The following ATP2C2 variants were observed in gnomAD, a reference collection of about 807,000 sequenced individuals.
ATP2C2 encodes the protein calcium-transporting ATPase type 2C member 2.
A neutral mutation model predicts 110.8 loss-of-function variants in ATP2C2; 171 were observed. The observed-to-expected ratio is 1.54, with a 90% CI of 1.36 to 1.75. ATP2C2 has a LOEUF of 1.75. Ranked by LOEUF, ATP2C2 falls within the 40% of genes most tolerant of loss-of-function variation. ATP2C2 has a pLI of 0.00. For missense variants in ATP2C2, 1,963 were observed against 1,235.0 expected (o/e 1.59, Z -8.84); for synonymous variants, 804 against 508.4 (o/e 1.58, Z -7.82).
rs796131997 is a variant in ATP2C2, at chr16:84,458,418, C to T, written c.2148-702C>T. 8.0e-3 allele frequency among the ~76,000 whole-genome samples: 1,113 copies of T among 139,054 alleles called. 12 individuals are homozygous for T. Among genetic ancestry groups the T allele is most frequent in the Non-Finnish European group, 0.011 (691 of 64,792 alleles). The allele number at this position is 139,054 out of a possible 152,430, so 91.2% of individuals were successfully genotyped here. ...CTAGATGACACGTTAGTGGGTGCAG[C>T]GCACCAGCATGGCACATGTATACAT... On this transcript the variant is annotated intron_variant, in intron 21 of 26. Coordinates refer to ENST00000262429, the MANE Select transcript of ATP2C2 (RefSeq NM_014861.4).
intron 16 of ATP2C2, among the ~76,000 whole-genome samples, chr16:84,447,443 C>T (rs1269693755): frequency 6.6e-6 from 1 of 151,920 alleles, no homozygotes; most frequent in Non-Finnish European, 1.5e-5. Flanking sequence ...CCACCACCCA[C>T]CCAGAGGTAA....
chr16:84,415,558 A>C lies in ATP2C2; in HGVS notation c.591A>C (p.Gly197=). Residue 197 remains glycine (G), a synonymous_variant, in exon 7 of 27, where the codon GGA becomes GGC. Transcript: ENST00000262429. ...GTGATGTCGTATCTCTCTCGATCGGAGACCGGATCCCTGCAGACATCCGAC... is the reference window on the plus strand; with the variant it reads ...GTGATGTCGTATCTCTCTCGATCGGCGACCGGATCCCTGCAGACATCCGAC... ...VPGDVVSLSI[G]DRIPADIRLT... The C allele has an allele frequency of 6.2e-7, 1 of 1,614,086 alleles. No homozygotes were observed. Among genetic ancestry groups the C allele is most frequent in the South Asian group, 1.1e-5 (1 of 91,056 alleles).
chr16:84,444,065 G>A (rs991261095), intron 15 of ATP2C2, among the ~76,000 whole-genome samples: 1 of 150,422 alleles, frequency 6.6e-6, no homozygotes, highest in South Asian at 2.1e-4. Context: ...TACTCAGGAG[G>A]CTGAGGCAGG....
intron 14 of ATP2C2, among the ~76,000 whole-genome samples, chr16:84,441,429 C>A (rs11640901): frequency 0.13 from 19,219 of 152,078 alleles, 1,464 homozygotes; most frequent in Non-Finnish European, 0.17. Flanking sequence ...ATTAGTGAGC[C>A]TGTGATGATG....
intron 7 of ATP2C2, among the ~76,000 whole-genome samples, chr16:84,420,658 G>A (rs561259622): frequency 2.2e-4 from 33 of 152,104 alleles, no homozygotes; most frequent in African/African-American, 6.5e-4. Context: ...CCTTGAGTCT[G>A]TGACACTTTC....
At chr16:84,460,421 TCTTC>T in intron 23 of ATP2C2, 2 of 607,728 alleles carry the variant, frequency 3.3e-6, no homozygotes, top group Non-Finnish European at 5.9e-6. Context: ...TACGGGGTGG[TCTTC>T]CTTCACTGTC....
At position 84,388,328 on chromosome 16, in the gene ATP2C2, A is replaced by AC. The variant is rs1284146618; in HGVS notation, c.100-10171_100-10170insC. On this transcript the variant is annotated intron_variant, in intron 1 of 26. Coordinates refer to ENST00000262429, the MANE Select transcript of ATP2C2 (RefSeq NM_014861.4). ...TGAAAGAGCGAGACTCTGTCTCAAAAAAAAAAGAAAGAAAAACTAGTATCA... is the reference window on the plus strand; with the variant it reads ...TGAAAGAGCGAGACTCTGTCTCAAAACAAAAAAGAAAGAAAAACTAGTATCA... Among the ~76,000 whole-genome samples, 146 of 146,720 alleles carry AC rather than the reference A, an allele frequency of 1.0e-3. 2 individuals are homozygous for AC. Among genetic ancestry groups the AC allele is most frequent in the African/African-American group, 3.5e-3 (144 of 40,822 alleles).
Position 84,459,300 on chromosome 16 carries a change from G to C in ATP2C2, c.2247G>C (p.Leu749=). The C allele has an allele frequency of 6.2e-7, 1 of 1,614,190 alleles. No homozygotes were observed. The highest frequency in any genetic ancestry group is 1.7e-5 in the Admixed American group (1 of 60,026). ...TCTCCGCCCTGAGTCTCATCACTCT[G>C]TCCACCGTGTTCAACCTGCCCAGCC... ...TSISALSLIT[L]STVFNLPSPL... Residue 749 remains leucine, a synonymous_variant, in exon 23 of 27, where the codon CTG becomes CTC. Transcript: ENST00000262429.
intron 18 of ATP2C2, among the ~76,000 whole-genome samples, chr16:84,452,431 C>T (rs966469399): frequency 6.6e-6 from 1 of 151,736 alleles, no homozygotes; most frequent in Non-Finnish European, 1.5e-5. Flanking sequence ...CTTGGCAAAC[C>T]ATTGAACCAC....
intron 7 of ATP2C2, among the ~76,000 whole-genome samples, chr16:84,418,664 AG>A (rs1030230950): frequency 1.3e-5 from 2 of 152,132 alleles, no homozygotes; most frequent in African/African-American, 4.8e-5. Context: ...TGGGCGGTGG[AG>A]GGGGACATGA....
intron 21 of ATP2C2, among the ~76,000 whole-genome samples, chr16:84,458,644 C>A (rs1301800070): frequency 1.3e-5 from 2 of 152,320 alleles, no homozygotes; most frequent in Middle Eastern, 3.4e-3. Context: ...TTTAAAAGGG[C>A]TTCCGCGAAG....
rs774767700 is a variant in ATP2C2 at position 84,453,160 on chromosome 16, CG to C, written c.1857del (p.Lys620SerfsTer52). On this transcript the variant is annotated frameshift_variant, in exon 19 of 27. Coordinates refer to ENST00000262429, the MANE Select transcript of ATP2C2 (RefSeq NM_014861.4). LOFTEE classifies it high-confidence loss of function. ...AIGRNIGLCNGKLQAMSGEEV... is the reference protein window; with the variant it reads ...AIGRNIGLCNXKLQAMSGEEV... ...AAGGAAGAAACATCGGCCTGTGCAA[CG>C]GGAAGCTGCAAGCCATGTCCGGGGA... is the stretch of plus-strand genomic sequence containing the variant. The C allele has an allele frequency of 6.2e-7, 1 of 1,613,268 alleles. No individual in the cohort carries two copies. Among genetic ancestry groups the C allele is most frequent in the Non-Finnish European group, 8.5e-7 (1 of 1,179,590 alleles).
intron 7 of ATP2C2, among the ~76,000 whole-genome samples, chr16:84,421,316 G>A (rs1299762395): frequency 6.6e-6 from 1 of 152,268 alleles, no homozygotes; most frequent in Admixed American, 6.5e-5. Flanking sequence ...AAGGAAGTGG[G>A]GAGACGGGCA....
At chr16:84,408,382 C>A (rs771762214) in intron 3 of ATP2C2, 23 bp from the exon 4 acceptor site, 21 of 1,607,756 alleles carry the variant, frequency 1.3e-5, no homozygotes, top group Middle Eastern at 1.6e-4. Context: ...AGAACGTGCC[C>A]CACCCTGTTA....
intron 11 of ATP2C2, among the ~76,000 whole-genome samples, chr16:84,436,027 G>T (rs1268302824): frequency 3.3e-5 from 5 of 152,118 alleles, no homozygotes; most frequent in African/African-American, 4.8e-5. Flanking sequence ...TACGCGGGAG[G>T]CTGAGGCAGG....
chr16:84,459,082 G>A (rs769962873), intron 21 of ATP2C2, 38 bp from the exon 22 acceptor site: 1 of 1,612,050 alleles, frequency 6.2e-7, no homozygotes, highest in South Asian at 1.1e-5. Context: ...CCCTCACGCA[G>A]GCCCGCTCCG....
intron 1 of ATP2C2, among the ~76,000 whole-genome samples, chr16:84,393,820 G>C (rs1000135622): frequency 6.6e-6 from 1 of 151,748 alleles, no homozygotes; most frequent in African/African-American, 2.4e-5. Flanking sequence ...CGGTTTCTAA[G>C]TGGTGGACGG....
chr16:84,375,688 C>T (rs1033070415), intron 1 of ATP2C2, among the ~76,000 whole-genome samples: 23 of 152,100 alleles, frequency 1.5e-4, no homozygotes, highest in Non-Finnish European at 2.5e-4. Context: ...AACAGGTGGT[C>T]GTAATTTCTT....
At position 84,424,980 on chromosome 16, in the gene ATP2C2, A is replaced by G. The variant is rs192066224; in HGVS notation, c.920-755A>G. On this transcript the variant is annotated intron_variant, in intron 10 of 26. Transcript: ENST00000262429. Reference sequence around the variant, plus strand: ...TTGCTAATCTATTTCATTTGAGTTCATTTGGGTTCTAGCTAAGATTTCAGC... The same window carrying G: ...TTGCTAATCTATTTCATTTGAGTTCGTTTGGGTTCTAGCTAAGATTTCAGC... 3.9e-5 allele frequency among the ~76,000 whole-genome samples: 6 copies of G among 152,204 alleles called. No homozygotes were observed. The East Asian group carries it at 7.7e-4, about 20-fold the overall frequency.
Sources: allele counts gnomAD v4.1 joint callset (sites outside exome capture counted in the v4.1 genomes callset), GRCh38; gene constraint gnomAD v4.1.1; transcripts MANE v1.5; gene names NCBI Gene and HGNC (gene_info 2026-07-23, HGNC 2026-07-21).